Variants in NALCN observed in about 807,000 individuals in gnomAD.
NALCN encodes the protein sodium leak channel, non-selective.
In NALCN, 111 loss-of-function variants were observed where a neutral mutation model predicts 225.3. That is an observed-to-expected ratio of 0.49 (90% CI 0.42 to 0.58). The LOEUF is 0.58. Among genes scored for constraint, NALCN ranks in the 20% least tolerant of loss-of-function variants. The pLI, the probability that NALCN is intolerant of heterozygous loss-of-function variation, is 0.00. For missense variants in NALCN, 1,378 were observed against 2,202.4 expected, an observed-to-expected ratio of 0.63 and a Z score of 7.49; for synonymous variants, 764 against 769.0, an observed-to-expected ratio of 0.99 and a Z score of 0.11.
chr13:101,292,290 G>A lies in NALCN; in HGVS notation c.876C>T (p.Ser292=), dbSNP rs1247536257. 8 of 1,614,006 alleles carry A rather than the reference G, an allele frequency of 5.0e-6. No homozygotes were observed. Among genetic ancestry groups the A allele is most frequent in the Non-Finnish European group, 6.8e-6 (8 of 1,180,034 alleles). The change falls in exon 8 of 44, where the codon AGC becomes AGT. Residue 292 remains serine (S), a synonymous_variant. Coordinates refer to ENST00000251127, the MANE Select transcript of NALCN (RefSeq NM_052867.4). The surrounding 1 kb of genome is among the most constrained non-coding windows in gnomAD (Gnocchi z 4.3). ...WVFLMYRAID[S]FPRWRSYFYF... ...AGAAGTAGGAACGCCAACGGGGAAA[G>A]CTGTCAATTGCTCTGTACATGAGGA... is the stretch of plus-strand genomic sequence containing the variant.
intron 6 of NALCN, among the ~76,000 whole-genome samples, chr13:101,375,994 T>C (rs1380617411): frequency 6.6e-6 from 1 of 152,110 alleles, no homozygotes; most frequent in Non-Finnish European, 1.5e-5. Context: ...TATTGCATAA[T>C]ACATAATAGG....
chr13:101,269,702 G>A (rs2042712854), intron 10 of NALCN, among the ~76,000 whole-genome samples: 2 of 152,046 alleles, frequency 1.3e-5, no homozygotes, highest in African/African-American at 4.8e-5. Flanking sequence ...ATTCTGCTTT[G>A]GGCACAAGAA....
chr13:101,217,208 G>A (rs2040769006), intron 13 of NALCN, among the ~76,000 whole-genome samples: 1 of 152,116 alleles, frequency 6.6e-6, no homozygotes, highest in South Asian at 2.1e-4. Flanking sequence ...GGCAATTATG[G>A]AAAAACATGC....
intron 40 of NALCN, among the ~76,000 whole-genome samples, chr13:101,063,683 C>CTT (rs2032142172): frequency 6.6e-6 from 1 of 151,878 alleles, no homozygotes; most frequent in South Asian, 2.1e-4. Context: ...AAATTGATAA[C>CTT]TTGAGAGAAC....
chr13:101,376,717 T>C lies in NALCN; in HGVS notation c.627A>G (p.Val209=), dbSNP rs752447705. The change falls in exon 6 of 44, where the codon GTA becomes GTG. Residue 209 remains valine (V), a synonymous_variant. Coordinates refer to ENST00000251127, the MANE Select transcript of NALCN (RefSeq NM_052867.4). The part of the protein sequence containing the change: ...MFGTFTYHCV[V]NDTKPGNVTW... ...AAACTTACCCTGGCTTTGTGTCATT[T>C]ACAACACAGTGATAAGTAAATGTTC... 5 of 1,605,330 alleles carry C rather than the reference T, an allele frequency of 3.1e-6. No homozygotes were observed. Among genetic ancestry groups the C allele is most frequent in the Non-Finnish European group, 4.2e-6 (5 of 1,177,994 alleles).
chr13:101,309,127 T>C (rs1190998881), intron 7 of NALCN, among the ~76,000 whole-genome samples: 1 of 152,198 alleles, frequency 6.6e-6, no homozygotes, highest in Admixed American at 6.5e-5. Flanking sequence ...AAAAGCATTA[T>C]ACTTTAATTT....
chr13:101,101,445 T>C (rs1318490055), intron 26 of NALCN, among the ~76,000 whole-genome samples: 1 of 152,042 alleles, frequency 6.6e-6, no homozygotes, highest in Non-Finnish European at 1.5e-5. Flanking sequence ...CAAGCCCAGC[T>C]AATTTTTGTA....
At chr13:101,268,333 G>A (rs1566508133) in intron 10 of NALCN, among the ~76,000 whole-genome samples, 1 of 152,086 alleles carries the variant, frequency 6.6e-6, no homozygotes, top group East Asian at 1.9e-4. Flanking sequence ...ATTATGGAAA[G>A]CAGAAAATGC....
intron 14 of NALCN, among the ~76,000 whole-genome samples, chr13:101,180,204 CTT>C (rs71200724): frequency 1.7e-3 from 191 of 109,934 alleles, no homozygotes; most frequent in African/African-American, 5.5e-3. Flanking sequence ...TCCACCTGGT[CTT>C]TTTTTTTTTT....
At chr13:101,147,431 C>T (rs1272629838) in intron 15 of NALCN, among the ~76,000 whole-genome samples, 11 of 150,534 alleles carry the variant, frequency 7.3e-5, no homozygotes, top group Admixed American at 1.3e-4. Context: ...CTTGGCTCAC[C>T]GCAACCTCTG....
intron 27 of NALCN, among the ~76,000 whole-genome samples, chr13:101,097,662 A>T (rs1151377): frequency 0.058 from 8,767 of 152,276 alleles, 747 homozygotes; most frequent in African/African-American, 0.19. Flanking sequence ...TAACAAAAAC[A>T]GCACTAGGAA....
chr13:101,330,480 C>T (rs754120999), intron 7 of NALCN, among the ~76,000 whole-genome samples: 24 of 152,140 alleles, frequency 1.6e-4, no homozygotes, highest in South Asian at 8.3e-4. Flanking sequence ...ACTGGAAGAA[C>T]CCTGGCCTCC....
rs1688153578 is a variant in NALCN, at chr13:101,104,808, A to G, written c.2636+86T>C. The G allele has an allele frequency of 1.3e-6, 2 of 1,566,710 alleles. No homozygotes were observed. The highest frequency in any genetic ancestry group is 2.7e-5 in the African/African-American group (2 of 73,418). On this transcript the variant is annotated intron_variant, in intron 23 of 43. Transcript: ENST00000251127. This position sits in a 1 kb window ranked among gnomAD's most constrained non-coding sequence, Gnocchi z 4.2. ...CATAGCACTATATAGCAAGAAAATA[A>G]AAGAGAATTTTAATCGTTGTATGCA...
intron 34 of NALCN, among the ~76,000 whole-genome samples, chr13:101,079,604 C>A (rs1027342911): frequency 6.6e-6 from 1 of 152,182 alleles, no homozygotes; most frequent in South Asian, 2.1e-4. Flanking sequence ...TCATCATAGT[C>A]ATTATACTCA....
intron 15 of NALCN, among the ~76,000 whole-genome samples, chr13:101,153,654 T>C (rs1349583846): frequency 6.6e-6 from 1 of 152,150 alleles, no homozygotes; most frequent in Admixed American, 6.5e-5. Flanking sequence ...GTGGGGCTGC[T>C]CTTGGCAAAG....
At chr13:101,244,206 G>GT (rs201605002) in intron 11 of NALCN, among the ~76,000 whole-genome samples, 2,095 of 151,934 alleles carry the variant, frequency 0.014, 20 homozygotes, top group Middle Eastern at 0.038. Context: ...ATTTTAAAGT[G>GT]TTTTTTTAAA....
chr13:101,096,318 C>G (rs1330747375), intron 27 of NALCN, among the ~76,000 whole-genome samples: 1 of 152,132 alleles, frequency 6.6e-6, no homozygotes, highest in African/African-American at 2.4e-5. Flanking sequence ...TGGAAACAAT[C>G]CAGATGTCCA....
intron 7 of NALCN, among the ~76,000 whole-genome samples, chr13:101,330,618 C>A (rs952381849): frequency 1.3e-5 from 2 of 152,132 alleles, no homozygotes; most frequent in Non-Finnish European, 2.9e-5. Context: ...TACAGTGCCC[C>A]CATAATGCAA....
At chr13:101,074,980 C>T (rs888296609) in intron 35 of NALCN, among the ~76,000 whole-genome samples, 3 of 152,170 alleles carry the variant, frequency 2.0e-5, no homozygotes, top group Admixed American at 6.5e-5. Context: ...ATTTTCTCTT[C>T]TGCTCCTCAA....
Sources: gnomAD v4.1 joint callset for allele counts (sites outside exome capture counted in the v4.1 genomes callset) on GRCh38, gnomAD v4.1.1 for gene constraint, Gnocchi (gnomAD v3.1) non-coding constraint, MANE v1.5 for transcripts, NCBI Gene and HGNC (gene_info 2026-07-23, HGNC 2026-07-21) for gene names.